Variants in ZNF331 observed in about 807,000 individuals in gnomAD.
ZNF331 encodes C2H2-like zinc finger protein rearranged in thyroid adenomas.
A neutral mutation model predicts 7.0 loss-of-function variants in ZNF331; 2 were observed. That is an observed-to-expected ratio of 0.29 (90% CI 0.12 to 0.90). The LOEUF (loss-of-function observed/expected upper bound fraction) is 0.90, where lower values mean the gene tolerates loss of function less well. Ranked by LOEUF, ZNF331 falls within the 40% of genes least tolerant of loss-of-function variation. ZNF331 has a pLI of 0.58. For synonymous variants in ZNF331, 196 were observed against 205.4 expected (o/e 0.95, Z 0.39); for missense variants, 432 against 587.7 (o/e 0.74, Z 2.74).
chr19:53,541,164 A>G (rs1050174942), intron 2 of ZNF331, among the ~76,000 whole-genome samples: 1 of 149,088 alleles, frequency 6.7e-6, no homozygotes, highest in Non-Finnish European at 1.5e-5. Context: ...CTGGAGTGCA[A>G]TGGCGTGATC....
At chr19:53,541,900 C>CTGAAACTATATACTATA (rs2088204333) in intron 2 of ZNF331, among the ~76,000 whole-genome samples, 1 of 151,864 alleles carries the variant, frequency 6.6e-6, no homozygotes, top group Non-Finnish European at 1.5e-5. Context: ...ATAGTTTCAG[C>CTGAAACTATATACTATA]TACTCAGAAG....
At chr19:53,567,832 C>T (rs2090229976) in intron 3 of ZNF331, among the ~76,000 whole-genome samples, 2 of 103,776 alleles carry the variant, frequency 1.9e-5, no homozygotes, top group South Asian at 6.7e-4. Context: ...GAGAGTGAGA[C>T]CCTGTCTTAA....
the ZNF331 span, chr19:53,511,946 C>T: frequency 6.6e-6 from 1 of 152,170 alleles, no homozygotes; most frequent in Non-Finnish European, 1.5e-5. Context: ...AGTTATTTTC[C>T]TATTTTCCTT....
In ZNF331 at chr19:53,566,930, TCTC is replaced by T. The variant is rs985127003; in HGVS notation, c.-73-2367_-73-2365del. On this transcript the variant is annotated intron_variant, in intron 3 of 5. Coordinates refer to ENST00000449416, the MANE Select transcript of ZNF331 (RefSeq NM_001079906.2). The stretch of plus-strand genomic sequence containing the variant: ...TGGTTCTGCATTCCCTCCTTCCCTC[TCTC>T]CTCCTCTCCCTCTCTCTCCATATAT... Among the ~76,000 whole-genome samples the T allele has an allele frequency of 1.2e-3, 185 of 152,200 alleles. 1 individual carries two copies. Among genetic ancestry groups the T allele is most frequent in the African/African-American group, 4.3e-3 (179 of 41,542 alleles).
chr19:53,557,799 A>G (rs2089531121), intron 3 of ZNF331, among the ~76,000 whole-genome samples: 1 of 152,170 alleles, frequency 6.6e-6, no homozygotes. Flanking sequence ...CCCTGTCTCT[A>G]CTAAAAATAC....
chr19:53,548,737 AG>A (rs2088789771), intron 2 of ZNF331, among the ~76,000 whole-genome samples: 1 of 152,162 alleles, frequency 6.6e-6, no homozygotes, highest in South Asian at 2.1e-4. Flanking sequence ...CTCATTGCCA[AG>A]GGCGATGTGA....
chr19:53,567,857 A>G lies in ZNF331; in HGVS notation c.-73-1447A>G, dbSNP rs560473226. 5.7e-4 allele frequency among the ~76,000 whole-genome samples: 87 copies of G among 151,736 alleles called. 4 individuals carry two copies. The East Asian group carries it at 6.8e-3, about 12-fold the overall frequency. ...CCCTGTCTTAAAAAAAAAAAACAAAAAACTATTCACTAAAAGGACCCACAG... is the reference window on the plus strand; with the variant it reads ...CCCTGTCTTAAAAAAAAAAAACAAAGAACTATTCACTAAAAGGACCCACAG... On this transcript the variant is annotated intron_variant, in intron 3 of 5. Transcript: ENST00000449416.
intron 5 of ZNF331, among the ~76,000 whole-genome samples, chr19:53,572,866 G>A (rs2090530581): frequency 6.6e-6 from 1 of 152,084 alleles, no homozygotes; most frequent in South Asian, 2.1e-4. Context: ...CAGATTCCTT[G>A]CTGCCAGCCA....
intron 5 of ZNF331, among the ~76,000 whole-genome samples, chr19:53,574,631 A>G (rs187166917): frequency 3.8e-4 from 57 of 151,844 alleles, no homozygotes; most frequent in African/African-American, 1.3e-3. Flanking sequence ...TCTTTTTCTC[A>G]TATCTAGGTG....
intron 2 of ZNF331, among the ~76,000 whole-genome samples, chr19:53,540,467 C>G (rs1388912111): frequency 6.6e-6 from 1 of 152,090 alleles, no homozygotes; most frequent in Non-Finnish European, 1.5e-5. Flanking sequence ...GAGGCTTGCT[C>G]TGTTGCCCAT....
chr19:53,524,649 A>G (rs1175457138), intron 2 of ZNF331, among the ~76,000 whole-genome samples: 1 of 152,012 alleles, frequency 6.6e-6, no homozygotes, highest in South Asian at 2.1e-4. Flanking sequence ...AGTTCTTTGT[A>G]GATTCTGGAT....
chr19:53,578,577 G>GA lies in ZNF331; in HGVS notation c.*631dup, dbSNP rs1316151960. The GA allele has an allele frequency of 9.5e-6, 2 of 210,782 alleles. No homozygotes were observed. Among genetic ancestry groups the GA allele is most frequent in the African/African-American group, 4.6e-5 (2 of 43,946 alleles). 13.1% of individuals were successfully genotyped at this position (210,782 alleles called of 1,614,324 possible). On this transcript the variant is annotated 3_prime_UTR_variant, in exon 6 of 6. Transcript: ENST00000449416. ...TTAAACTTTAGATATGTATGTACAG[G>GA]AAAAAATGTAGTATATAGTATCGTA... is the stretch of plus-strand genomic sequence containing the variant.
chr19:53,554,060 T>C (rs2089192512), intron 2 of ZNF331, among the ~76,000 whole-genome samples: 2 of 152,194 alleles, frequency 1.3e-5, no homozygotes, highest in African/African-American at 2.4e-5. Context: ...GGCTCTGGTT[T>C]CCCCAGACAT....
At chr19:53,505,413 G>C in the ZNF331 span, among the ~76,000 whole-genome samples, 2 of 152,102 alleles carry the variant, frequency 1.3e-5, no homozygotes, top group African/African-American at 4.8e-5. Flanking sequence ...TTCCCAGGCT[G>C]GTCTCGAGCT....
At chr19:53,506,444 G>GTCTCTCTCTC in the ZNF331 span, among the ~76,000 whole-genome samples, 11 of 86,248 alleles carry the variant, frequency 1.3e-4, no homozygotes, top group African/African-American at 4.0e-4. Context: ...CTCTCTCTCT[G>GTCTCTCTCTC]TCTCTCTCTC....
chr19:53,524,319 G>A (rs577480862), intron 2 of ZNF331, among the ~76,000 whole-genome samples: 1 of 152,288 alleles, frequency 6.6e-6, no homozygotes, highest in African/African-American at 2.4e-5. Flanking sequence ...TCTAGTTCTA[G>A]ATTCTTGAGG....
At chr19:53,561,014 C>T (rs927477287) in intron 3 of ZNF331, among the ~76,000 whole-genome samples, 2 of 152,062 alleles carry the variant, frequency 1.3e-5, no homozygotes, top group Non-Finnish European at 2.9e-5. Context: ...AAAAGTTAGC[C>T]AGGCGTGGTA....
chr19:53,549,436 G>C (rs2088841034), intron 2 of ZNF331, among the ~76,000 whole-genome samples: 1 of 152,128 alleles, frequency 6.6e-6, no homozygotes, highest in Non-Finnish European at 1.5e-5. Flanking sequence ...GTCCTCCCAG[G>C]GAGTTTGGAG....
At chr19:53,503,667 G>A in the ZNF331 span, 15 of 706,838 alleles carry the variant, frequency 2.1e-5, no homozygotes, top group Non-Finnish European at 3.6e-5. Flanking sequence ...GTTGTCAGGG[G>A]AGTGTCCATT....
Sources: allele counts gnomAD v4.1 joint callset (sites outside exome capture counted in the v4.1 genomes callset), GRCh38; gene constraint gnomAD v4.1.1; transcripts MANE v1.5; gene names NCBI Gene and HGNC (gene_info 2026-07-23, HGNC 2026-07-21).